The following ORC5 variants were observed in gnomAD, a reference collection of about 807,000 sequenced individuals.
The protein encoded by ORC5 is origin recognition complex subunit 5.
ORC5 carries 39 observed loss-of-function variants against 58.8 expected under a neutral mutation model. The observed-to-expected ratio is 0.66, with a 90% CI of 0.51 to 0.87. ORC5 has a LOEUF of 0.87. Among genes scored for constraint, ORC5 ranks in the 40% least tolerant of loss-of-function variants. The probability of loss-of-function intolerance (pLI) is 0.00; values close to 1 mark genes in which losing one functional copy is unlikely to be tolerated. For missense variants in ORC5, 493 were observed against 506.3 expected (o/e 0.97, Z 0.25); for synonymous variants, 218 against 177.6 (o/e 1.23, Z -1.81).
chr7:104,198,735 C>A (rs1215466338), intron 3 of ORC5, among the ~76,000 whole-genome samples: 1 of 152,214 alleles, frequency 6.6e-6, no homozygotes, highest in Non-Finnish European at 1.5e-5. Flanking sequence ...CAGAAATGTG[C>A]ATAAGTAACA....
intron 6 of ORC5, among the ~76,000 whole-genome samples, chr7:104,184,654 C>CT (rs1181584708): frequency 6.6e-6 from 1 of 151,396 alleles, no homozygotes; most frequent in African/African-American, 2.5e-5. Context: ...TATGGCTAAT[C>CT]AGAAGGGCTG....
intron 10 of ORC5, 124 bp from the exon 11 acceptor site, chr7:104,165,406 A>C: frequency 3.3e-6 from 2 of 611,920 alleles, no homozygotes; most frequent in Non-Finnish European, 2.9e-6. Flanking sequence ...TTAAATAGTT[A>C]TTCTTCTTAT....
At chr7:104,161,045 C>CAGAT in intron 12 of ORC5, 27 bp downstream of exon 12, 1 of 1,180,018 alleles carries the variant, frequency 8.5e-7, no homozygotes, top group Non-Finnish European at 1.3e-6. Context: ...ACAAAGATGA[C>CAGAT]AGATAATAAT....
At chr7:104,203,230 A>G (rs1235271859) in intron 2 of ORC5, among the ~76,000 whole-genome samples, 1 of 152,224 alleles carries the variant, frequency 6.6e-6, no homozygotes, top group Non-Finnish European at 1.5e-5. Flanking sequence ...GTGCTAGAGG[A>G]GGACGGGGTT....
chr7:104,145,788 G>T (rs918850266), intron 12 of ORC5, among the ~76,000 whole-genome samples: 1 of 152,088 alleles, frequency 6.6e-6, no homozygotes, highest in African/African-American at 2.4e-5. Context: ...GCGAGTCTTA[G>T]AATTCCCCAC....
chr7:104,186,689 T>C (rs1025066881), intron 6 of ORC5, among the ~76,000 whole-genome samples: 7 of 151,882 alleles, frequency 4.6e-5, no homozygotes, highest in African/African-American at 1.7e-4. Context: ...TTACAAACTT[T>C]GAAACAAACA....
At chr7:104,145,579 G>T (rs932059844) in intron 12 of ORC5, among the ~76,000 whole-genome samples, 8 of 152,050 alleles carry the variant, frequency 5.3e-5, no homozygotes, top group African/African-American at 1.7e-4. Context: ...TAGACAGAGG[G>T]TTAGAAAAAA....
chr7:104,140,680 C>A (rs1381101505), intron 12 of ORC5, among the ~76,000 whole-genome samples: 1 of 152,192 alleles, frequency 6.6e-6, no homozygotes, highest in Non-Finnish European at 1.5e-5. Flanking sequence ...GCCTGTTCTG[C>A]CCACCAGGCC....
At chr7:104,192,845 G>T (rs1799705819) in intron 5 of ORC5, among the ~76,000 whole-genome samples, 2 of 150,960 alleles carry the variant, frequency 1.3e-5, no homozygotes. Flanking sequence ...GATTAGATTA[G>T]CTGCCCACTA....
intron 2 of ORC5, among the ~76,000 whole-genome samples, chr7:104,201,946 C>T (rs148301433): frequency 1.3e-3 from 197 of 152,006 alleles, no homozygotes; most frequent in African/African-American, 4.3e-3. Flanking sequence ...AAAAATTAGA[C>T]AGGCCTGGTG....
intron 8 of ORC5, among the ~76,000 whole-genome samples, chr7:104,181,149 G>A (rs1389724664): frequency 1.4e-5 from 2 of 141,146 alleles, no homozygotes; most frequent in African/African-American, 4.9e-5. Context: ...AATAACTGAT[G>A]AGGATGTTTT....
In ORC5 at chr7:104,168,468, G is replaced by A. The variant is rs1157598359; in HGVS notation, c.877+5C>T. Reference sequence around the variant, plus strand: ...CGGTAACTGTCTCAATACTTCCTCTGATACCTTTCAGTTGCCCCGGATCTG... The same window carrying A: ...CGGTAACTGTCTCAATACTTCCTCTAATACCTTTCAGTTGCCCCGGATCTG... On this transcript the variant is annotated splice_donor_5th_base_variant and intron_variant, in intron 9 of 13. Coordinates refer to ENST00000297431, the MANE Select transcript of ORC5 (RefSeq NM_002553.4). 3.7e-6 allele frequency: 6 copies of A among 1,607,656 alleles called. No homozygotes were observed. Among genetic ancestry groups the A allele is most frequent in the Non-Finnish European group, 4.2e-6 (5 of 1,177,564 alleles).
chr7:104,159,710 C>A (rs996588687), intron 12 of ORC5, among the ~76,000 whole-genome samples: 2 of 152,094 alleles, frequency 1.3e-5, no homozygotes, highest in Non-Finnish European at 2.9e-5. Flanking sequence ...GTCTGTCTCA[C>A]TTCCCTAGGC....
intron 8 of ORC5, among the ~76,000 whole-genome samples, chr7:104,183,495 T>G (rs1039002855): frequency 1.3e-4 from 20 of 152,126 alleles, no homozygotes; most frequent in African/African-American, 4.6e-4. Flanking sequence ...TTAAAAATCC[T>G]GACAAACAGA....
At chr7:104,145,531 A>C (rs1562806130) in intron 12 of ORC5, among the ~76,000 whole-genome samples, 2 of 152,188 alleles carry the variant, frequency 1.3e-5, no homozygotes, top group Non-Finnish European at 2.9e-5. Flanking sequence ...TTGAATTACC[A>C]AGGAACACAT....
intron 8 of ORC5, among the ~76,000 whole-genome samples, chr7:104,181,000 T>C (rs1370450114): frequency 6.6e-6 from 1 of 152,222 alleles, no homozygotes; most frequent in Non-Finnish European, 1.5e-5. Flanking sequence ...TTCTAACAAG[T>C]ACTCTTAAAT....
chr7:104,156,109 T>C (rs1437029477), intron 12 of ORC5, among the ~76,000 whole-genome samples: 2 of 151,624 alleles, frequency 1.3e-5, no homozygotes. Flanking sequence ...AATACCAGAA[T>C]TAATGCTTTG....
chr7:104,197,692 TGTG>T (rs1373044565), intron 4 of ORC5, 30 bp downstream of exon 4: 2 of 1,419,170 alleles, frequency 1.4e-6, no homozygotes, highest in East Asian at 4.6e-5. Context: ...TTGATTAAGT[TGTG>T]GGGAGAAAGC....
chr7:104,168,528 G>GAA lies in ORC5; in HGVS notation c.825-5_825-4dup. 6.6e-7 allele frequency: 1 copy of GAA among 1,517,846 alleles called. No homozygotes were observed. The highest frequency in any genetic ancestry group is 8.9e-7 in the Non-Finnish European group (1 of 1,125,586). The allele number at this position is 1,517,846 out of a possible 1,614,324, so 94.0% of individuals were successfully genotyped here. ...TCTGTAGCTTTTCCCACTGGGAACT[G>GAA]AAAAAAAATAGAAGAGCAAAAATGA... On this transcript the variant is annotated splice_region_variant and splice_polypyrimidine_tract_variant and intron_variant, in intron 8 of 13. Coordinates refer to ENST00000297431, the MANE Select transcript of ORC5 (RefSeq NM_002553.4).
Sources: allele counts gnomAD v4.1 joint callset (sites outside exome capture counted in the v4.1 genomes callset), GRCh38; gene constraint gnomAD v4.1.1; transcripts MANE v1.5; gene names NCBI Gene and HGNC (gene_info 2026-07-23, HGNC 2026-07-21).